The following GABRG3 variants were observed in gnomAD, a reference collection of about 807,000 sequenced individuals.
GABRG3 encodes the protein gamma-aminobutyric acid type A receptor subunit gamma3, also known as gamma-aminobutyric acid receptor subunit gamma-3.
Under a neutral mutation model 48.8 loss-of-function variants are expected in GABRG3, and 25 were observed. The ratio of observed to expected loss-of-function variants is 0.51; its 90% confidence interval spans 0.37 to 0.72. The LOEUF (loss-of-function observed/expected upper bound fraction) is 0.72, where lower values mean the gene tolerates loss of function less well. Among genes scored for constraint, GABRG3 ranks in the 30% least tolerant of loss-of-function variants. The pLI, the probability that GABRG3 is intolerant of heterozygous loss-of-function variation, is 0.00. For missense variants in GABRG3, 394 were observed against 577.9 expected (o/e 0.68, Z 3.26); for synonymous variants, 227 against 217.6 (o/e 1.04, Z -0.38).
chr15:27,196,720 C>A (rs1349225062), intron 3 of GABRG3, among the ~76,000 whole-genome samples: 1 of 152,186 alleles, frequency 6.6e-6, no homozygotes, highest in Non-Finnish European at 1.5e-5. Context: ...AACAGACGCA[C>A]AAAGAAGTTA....
chr15:27,282,840 C>A (rs1323401126), intron 3 of GABRG3, among the ~76,000 whole-genome samples: 1 of 152,086 alleles, frequency 6.6e-6, no homozygotes, highest in Non-Finnish European at 1.5e-5. Context: ...GAAACTGGAT[C>A]TTCTACCTCA....
At chr15:27,062,400 C>T (rs953510792) in intron 3 of GABRG3, among the ~76,000 whole-genome samples, 24 of 140,054 alleles carry the variant, frequency 1.7e-4, no homozygotes, top group African/African-American at 5.2e-4. Context: ...AGTTTAAGAC[C>T]AGCCTGGCCA....
intron 2 of GABRG3, among the ~76,000 whole-genome samples, chr15:27,007,289 C>T (rs1404045132): frequency 6.6e-6 from 1 of 151,994 alleles, no homozygotes; most frequent in Non-Finnish European, 1.5e-5. Flanking sequence ...CCATGTTGCC[C>T]AGGCTGGTCT....
intron 6 of GABRG3, among the ~76,000 whole-genome samples, chr15:27,492,842 C>G (rs1259070177): frequency 6.6e-6 from 1 of 152,172 alleles, no homozygotes; most frequent in Admixed American, 6.5e-5. Context: ...GTCTTCAATT[C>G]ACAAGCTGTT....
chr15:27,004,883 C>T (rs906351284), intron 2 of GABRG3, among the ~76,000 whole-genome samples: 13 of 152,056 alleles, frequency 8.5e-5, no homozygotes, highest in South Asian at 2.1e-4. Context: ...GCATTGTGAG[C>T]GGGAGTCAGC....
chr15:27,310,004 T>G (rs905501093), intron 3 of GABRG3, among the ~76,000 whole-genome samples: 1 of 152,232 alleles, frequency 6.6e-6, no homozygotes, highest in African/African-American at 2.4e-5. Flanking sequence ...ACTTTTAATA[T>G]ATGTAACAAC....
intron 3 of GABRG3, among the ~76,000 whole-genome samples, chr15:27,029,529 C>G (rs1407312140): frequency 3.3e-5 from 5 of 152,004 alleles, no homozygotes; most frequent in African/African-American, 1.2e-4. Context: ...ATCACACGCA[C>G]ACATACAGGC....
intron 3 of GABRG3, among the ~76,000 whole-genome samples, chr15:27,289,820 T>C (rs1478576597): frequency 2.0e-5 from 3 of 152,194 alleles, no homozygotes; most frequent in African/African-American, 4.8e-5. Flanking sequence ...CTAATATAGA[T>C]ATAGATGATT....
Position 27,352,036 on chromosome 15 carries a change from AGTGT to A in GABRG3, c.574+23157_574+23160del, listed in dbSNP as rs369241845. 7.8e-6 allele frequency among the ~76,000 whole-genome samples: 1 copy of A among 127,574 alleles called. No homozygotes were observed. Among genetic ancestry groups the A allele is most frequent in the Non-Finnish European group, 1.7e-5 (1 of 59,932 alleles). 83.7% of individuals were successfully genotyped at this position (127,574 alleles called of 152,430 possible). A position where few individuals can be genotyped will look rare whatever the true frequency, so the allele number is the denominator to read the frequency against. ...GTGGGTTTATGGTGTATGCGTGTAT[AGTGT>A]GTGTGTGTATGGTATGTGTGTATCG... On this transcript the variant is annotated intron_variant, in intron 5 of 9. Coordinates refer to ENST00000615808, the MANE Select transcript of GABRG3 (RefSeq NM_033223.5). This position sits in a 1 kb window ranked among gnomAD's most constrained non-coding sequence, Gnocchi z 4.0.
At chr15:27,128,185 G>A (rs1362029477) in intron 3 of GABRG3, among the ~76,000 whole-genome samples, 1 of 152,208 alleles carries the variant, frequency 6.6e-6, no homozygotes, top group Non-Finnish European at 1.5e-5. Flanking sequence ...AACATAGTGA[G>A]ACCCTGTCTC....
At chr15:27,268,780 ACT>A (rs979550666) in intron 3 of GABRG3, among the ~76,000 whole-genome samples, 28 of 151,636 alleles carry the variant, frequency 1.8e-4, no homozygotes, top group Non-Finnish European at 3.8e-4. Context: ...TGTCTTGCAA[ACT>A]CTACCCAACT....
At chr15:27,188,474 C>T (rs1157777696) in intron 3 of GABRG3, among the ~76,000 whole-genome samples, 1 of 152,070 alleles carries the variant, frequency 6.6e-6, no homozygotes, top group Non-Finnish European at 1.5e-5. Context: ...TCTCTGATGG[C>T]CAGTGATGAT....
chr15:27,111,763 A>G (rs1897553618), intron 3 of GABRG3, among the ~76,000 whole-genome samples: 1 of 152,000 alleles, frequency 6.6e-6, no homozygotes, highest in African/African-American at 2.4e-5. Context: ...TTCTGCTTCA[A>G]TCTGTCTTGT....
intron 3 of GABRG3, among the ~76,000 whole-genome samples, chr15:27,232,870 C>A (rs989292058): frequency 1.3e-5 from 2 of 152,220 alleles, no homozygotes; most frequent in African/African-American, 4.8e-5. Flanking sequence ...TTCCCGTGAT[C>A]TCTTCTACTA....
intron 3 of GABRG3, among the ~76,000 whole-genome samples, chr15:27,239,515 C>G (rs1890074224): frequency 6.6e-6 from 1 of 152,178 alleles, no homozygotes. Flanking sequence ...TACCTCTGAA[C>G]ATGTATATAC....
chr15:27,427,188 CTTTAATA>C (rs1315851478), intron 5 of GABRG3, among the ~76,000 whole-genome samples: 1 of 152,134 alleles, frequency 6.6e-6, no homozygotes, highest in East Asian at 1.9e-4. Flanking sequence ...AGTTTTAATC[CTTTAATA>C]TTTAATGTGC....
intron 5 of GABRG3, among the ~76,000 whole-genome samples, chr15:27,421,949 C>G (rs2140612095): frequency 6.6e-6 from 1 of 151,168 alleles, no homozygotes; most frequent in African/African-American, 2.4e-5. Flanking sequence ...ACTGAGTGTT[C>G]TAAGATATCC....
intron 5 of GABRG3, among the ~76,000 whole-genome samples, chr15:27,329,500 G>A (rs1268945177): frequency 6.6e-6 from 1 of 152,074 alleles, no homozygotes; most frequent in African/African-American, 2.4e-5. Context: ...CCTGACCTCA[G>A]GTGATCCACC....
At chr15:27,524,156 T>G (rs1229675449) in intron 7 of GABRG3, among the ~76,000 whole-genome samples, 1 of 152,024 alleles carries the variant, frequency 6.6e-6, no homozygotes, top group South Asian at 2.1e-4. Flanking sequence ...CTTGCCTATA[T>G]AGAAAAAACA....
Sources: gnomAD v4.1 joint callset for allele counts (sites outside exome capture counted in the v4.1 genomes callset) on GRCh38, gnomAD v4.1.1 for gene constraint, Gnocchi (gnomAD v3.1) non-coding constraint, MANE v1.5 for transcripts, NCBI Gene and HGNC (gene_info 2026-07-23, HGNC 2026-07-21) for gene names.